The following RERG variants were observed in gnomAD, a reference collection of about 807,000 sequenced individuals.
The protein encoded by RERG is RAS like estrogen regulated growth inhibitor.
A neutral mutation model predicts 23.2 loss-of-function variants in RERG; 25 were observed. That is an observed-to-expected ratio of 1.08 (90% CI 0.79 to 1.50). The LOEUF is 1.50. Ranked by LOEUF, RERG falls within the 40% of genes most tolerant of loss-of-function variation. RERG has a pLI of 0.00. For missense variants in RERG, 253 were observed against 250.1 expected (o/e 1.01, Z -0.08); for synonymous variants, 81 against 89.1 (o/e 0.91, Z 0.51).
chr12:15,127,221 A>T (rs540904678), intron 2 of RERG, among the ~76,000 whole-genome samples: 5 of 152,314 alleles, frequency 3.3e-5, no homozygotes, highest in African/African-American at 1.2e-4. Context: ...CTGAAGTCAG[A>T]GATTAAGCCT....
chr12:15,154,901 A>G (rs1460769985), intron 2 of RERG, among the ~76,000 whole-genome samples: 4 of 152,222 alleles, frequency 2.6e-5, no homozygotes, highest in African/African-American at 9.6e-5. Context: ...GTTAATTTAA[A>G]TGAAATTGTA....
In RERG at chr12:15,151,108, G is replaced by A. The variant is rs1158417402; in HGVS notation, c.62-29989C>T. ...CCAGGGGAGCATTCTACCTCCGTAG[G>A]CTACATCCAAAATCAGTCTTGGTTT... On this transcript the variant is annotated intron_variant, in intron 2 of 4. Transcript: ENST00000256953. Among the ~76,000 whole-genome samples, 4 of 152,272 alleles carry A rather than the reference G, an allele frequency of 2.6e-5. No homozygotes were observed. In the South Asian group the frequency reaches 6.2e-4, roughly 24 times the overall value.
Position 15,128,587 on chromosome 12 carries a change from T to C in RERG, c.62-7468A>G, listed in dbSNP as rs112016389. On this transcript the variant is annotated intron_variant, in intron 2 of 4. Coordinates refer to ENST00000256953, the MANE Select transcript of RERG (RefSeq NM_032918.3). ...GTATCCAATTGAAGTCCTGTTATGA[T>C]GTCTAGAATTCTTACTGCAAGGACT... Among the ~76,000 whole-genome samples the C allele has an allele frequency of 4.6e-5, 7 of 152,336 alleles. 1 individual carries two copies. Among genetic ancestry groups the C allele is most frequent in the African/African-American group, 1.7e-4 (7 of 41,576 alleles).
intron 2 of RERG, among the ~76,000 whole-genome samples, chr12:15,215,245 G>T (rs1259771761): frequency 3.3e-5 from 5 of 152,282 alleles, no homozygotes; most frequent in African/African-American, 7.2e-5. Context: ...ATCTCTCTGT[G>T]CAGGTGTTAT....
chr12:15,217,209 T>A, intron 2 of RERG: 1 of 507,772 alleles, frequency 2.0e-6, no homozygotes, highest in Non-Finnish European at 3.5e-6. Context: ...CTTTATCTTG[T>A]GTGTTATCAG....
At chr12:15,210,038 T>C (rs938709826) in intron 2 of RERG, among the ~76,000 whole-genome samples, 1 of 152,228 alleles carries the variant, frequency 6.6e-6, no homozygotes, top group Non-Finnish European at 1.5e-5. Context: ...GAAGAAATTA[T>C]GTGTTTTTCT....
intron 2 of RERG, among the ~76,000 whole-genome samples, chr12:15,162,498 G>A (rs577861929): frequency 1.3e-5 from 2 of 152,210 alleles, no homozygotes; most frequent in East Asian, 1.9e-4. Context: ...TTTTTATGAT[G>A]AAGGAATAAT....
At chr12:15,111,313 G>GA (rs1863609543) in intron 4 of RERG, 31 bp downstream of exon 4, 1 of 1,543,342 alleles carries the variant, frequency 6.5e-7, no homozygotes. Flanking sequence ...ATTTGATCCA[G>GA]AAAAATATTT....
In RERG at chr12:15,131,103, TC is replaced by T. The variant is rs149925803; in HGVS notation, c.62-9985del. ...GCAAAATCAAGAAAAATCTTAATTTTCTATAGAAAATTAACTTGTATAACTA... is the reference window on the plus strand; with the variant it reads ...GCAAAATCAAGAAAAATCTTAATTTTTATAGAAAATTAACTTGTATAACTA... On this transcript the variant is annotated intron_variant, in intron 2 of 4. Coordinates refer to ENST00000256953, the MANE Select transcript of RERG (RefSeq NM_032918.3). Among the ~76,000 whole-genome samples, 951 of 152,224 alleles carry T rather than the reference TC, an allele frequency of 6.2e-3. 10 individuals carry two copies. Among genetic ancestry groups the T allele is most frequent in the African/African-American group, 0.022 (909 of 41,526 alleles).
rs142710220 is a variant in RERG at position 15,200,217 on chromosome 12, C to T, written c.61+17212G>A. 1.7e-3 allele frequency among the ~76,000 whole-genome samples: 262 copies of T among 152,118 alleles called. 1 individual carries two copies. The highest frequency in any genetic ancestry group is 5.9e-3 in the African/African-American group (247 of 41,554). On this transcript the variant is annotated intron_variant, in intron 2 of 4. Transcript: ENST00000256953. ...TGAATAAAACACATTTACAAGAGCT[C>T]GTGTTTTCTTAGTGATGCTTGGCTT...
At chr12:15,145,535 C>T (rs1349317606) in intron 2 of RERG, among the ~76,000 whole-genome samples, 1 of 152,194 alleles carries the variant, frequency 6.6e-6, no homozygotes, top group African/African-American at 2.4e-5. Context: ...ATGCTAGCTC[C>T]CTGGCTCTGA....
chr12:15,138,044 G>A, intron 2 of RERG: 2 of 273,890 alleles, frequency 7.3e-6, no homozygotes, highest in Non-Finnish European at 1.5e-5. Flanking sequence ...AGAATTCTAG[G>A]TCGGTGGATT....
chr12:15,167,722 A>T (rs1468940766), intron 2 of RERG, among the ~76,000 whole-genome samples: 4 of 152,212 alleles, frequency 2.6e-5, no homozygotes, highest in African/African-American at 9.6e-5. Context: ...TATATAAATT[A>T]CATCCAAATA....
chr12:15,155,308 G>C (rs1222263121), intron 2 of RERG: 5 of 152,178 alleles, frequency 3.3e-5, no homozygotes, highest in African/African-American at 9.7e-5. Flanking sequence ...AATGAAATGA[G>C]AGAAAGTGAC....
chr12:15,113,151 G>A (rs1463145795), intron 3 of RERG, among the ~76,000 whole-genome samples: 1 of 152,130 alleles, frequency 6.6e-6, no homozygotes, highest in African/African-American at 2.4e-5. Context: ...TGGGGGAAAA[G>A]GCCAGAAGCA....
chr12:15,217,574 T>A lies in RERG; in HGVS notation c.-85A>T. On this transcript the variant is annotated 5_prime_UTR_variant, in exon 2 of 5. Coordinates refer to ENST00000256953, the MANE Select transcript of RERG (RefSeq NM_032918.3). ...GGTTCCAGTCTTTGGATTCACCATA[T>A]CATTGTGAATCTTGGAAGAGTCCAC... The A allele has an allele frequency of 2.1e-6, 2 of 939,210 alleles. No individual in the cohort carries two copies. The highest frequency in any genetic ancestry group is 3.5e-6 in the Non-Finnish European group (2 of 569,510). 58.2% of individuals were successfully genotyped at this position (939,210 alleles called of 1,614,324 possible). A position where few individuals can be genotyped will look rare whatever the true frequency, so the allele number is the denominator to read the frequency against.
chr12:15,206,500 G>T (rs1865293084), intron 2 of RERG, among the ~76,000 whole-genome samples: 1 of 152,118 alleles, frequency 6.6e-6, no homozygotes, highest in African/African-American at 2.4e-5. Flanking sequence ...TTAACACAGT[G>T]ATTCCCGGAA....
At chr12:15,212,413 G>A (rs957797119) in intron 2 of RERG, among the ~76,000 whole-genome samples, 7 of 152,032 alleles carry the variant, frequency 4.6e-5, no homozygotes, top group African/African-American at 1.7e-4. Context: ...CTGAGTTTTA[G>A]GGCAGATTGT....
chr12:15,137,056 T>A (rs1373612491), intron 2 of RERG, among the ~76,000 whole-genome samples: 7 of 151,884 alleles, frequency 4.6e-5, no homozygotes, highest in Non-Finnish European at 1.0e-4. Context: ...TTCCATCAGG[T>A]TTTACCTCAC....
Sources: allele counts gnomAD v4.1 joint callset (sites outside exome capture counted in the v4.1 genomes callset), GRCh38; gene constraint gnomAD v4.1.1; transcripts MANE v1.5; gene names NCBI Gene and HGNC (gene_info 2026-07-23, HGNC 2026-07-21).